The following STIM2 variants were observed in gnomAD, a reference collection of about 807,000 sequenced individuals.
STIM2 encodes the protein stromal interaction molecule 2.
A neutral mutation model predicts 85.8 loss-of-function variants in STIM2; 31 were observed. The ratio of observed to expected loss-of-function variants is 0.36; its 90% CI spans 0.27 to 0.49. STIM2 has a LOEUF of 0.49. Among genes scored for constraint, STIM2 ranks in the 20% least tolerant of loss-of-function variants. The pLI is 0.98. For synonymous variants in STIM2, 356 were observed against 331.1 expected (o/e 1.08, Z -0.82); for missense variants, 841 against 927.6 (o/e 0.91, Z 1.21).
intron 1 of STIM2, among the ~76,000 whole-genome samples, chr4:26,918,816 A>G (rs974179963): frequency 2.0e-5 from 3 of 152,232 alleles, no homozygotes; most frequent in Admixed American, 2.0e-4. Flanking sequence ...GAGGATTCAC[A>G]TATATTCCAT....
intron 2 of STIM2, among the ~76,000 whole-genome samples, chr4:26,927,605 C>T (rs1233642797): frequency 1.2e-3 from 82 of 67,058 alleles, no homozygotes; most frequent in Non-Finnish European, 2.0e-3. Flanking sequence ...GGGTGCAGCG[C>T]ACCAGCATGG....
chr4:26,997,678 A>G (rs1454774448), intron 4 of STIM2, among the ~76,000 whole-genome samples: 1 of 152,270 alleles, frequency 6.6e-6, no homozygotes, highest in African/African-American at 2.4e-5. Flanking sequence ...TTATACAAAC[A>G]TTTATCAAGC....
At chr4:26,957,498 G>A (rs1199674444) in intron 2 of STIM2, 114 bp from the exon 3 acceptor site, 2 of 530,144 alleles carry the variant, frequency 3.8e-6, no homozygotes. Context: ...CCAAAAATTT[G>A]CCAGTTACTG....
At chr4:26,938,585 CACTGATCACAT>C (rs1303788197) in intron 2 of STIM2, among the ~76,000 whole-genome samples, 1 of 152,196 alleles carries the variant, frequency 6.6e-6, no homozygotes, top group African/African-American at 2.4e-5. Context: ...CTGCTGCAGT[CACTGATCACAT>C]AGTCTCAGGA....
chr4:26,958,970 A>G (rs1051036221), intron 3 of STIM2, among the ~76,000 whole-genome samples: 4 of 152,162 alleles, frequency 2.6e-5, no homozygotes, highest in African/African-American at 7.2e-5. Flanking sequence ...GAAGAAAAAA[A>G]TATTTGACCA....
At chr4:27,010,810 T>C (rs545685630) in intron 10 of STIM2, among the ~76,000 whole-genome samples, 368 of 152,332 alleles carry the variant, frequency 2.4e-3, no homozygotes, top group Non-Finnish European at 4.5e-3. Context: ...TATGTGTAAT[T>C]ATATGGAAAG....
intron 3 of STIM2, among the ~76,000 whole-genome samples, chr4:26,982,340 C>T (rs1280537655): frequency 6.6e-6 from 1 of 152,054 alleles, no homozygotes; most frequent in South Asian, 2.1e-4. Flanking sequence ...GAGTTTGTTA[C>T]TATTATGATT....
intron 3 of STIM2, among the ~76,000 whole-genome samples, chr4:26,991,582 C>G (rs1368312003): frequency 6.6e-6 from 1 of 152,014 alleles, no homozygotes; most frequent in Non-Finnish European, 1.5e-5. Context: ...TATAATGGTT[C>G]CAACATGGAG....
intron 1 of STIM2, among the ~76,000 whole-genome samples, chr4:26,915,346 T>G (rs1361141503): frequency 6.6e-6 from 1 of 152,174 alleles, no homozygotes; most frequent in African/African-American, 2.4e-5. Context: ...GCGATTCTCC[T>G]GTCTCAGCCT....
rs1723545257 is a variant in STIM2 at position 26,892,780 on chromosome 4, T to G, written c.152-26724T>G. 2.0e-5 allele frequency among the ~76,000 whole-genome samples: 3 copies of G among 152,200 alleles called. No individual in the cohort carries two copies. The South Asian group carries it at 6.2e-4, about 32-fold the overall frequency. ...AGTTGATATAACCCTGAGGTAAGAGTGAAAGTGTATTGCCTTTCAATCTTG... is the reference window on the plus strand; with the variant it reads ...AGTTGATATAACCCTGAGGTAAGAGGGAAAGTGTATTGCCTTTCAATCTTG... On this transcript the variant is annotated intron_variant, in intron 1 of 11. Transcript: ENST00000467087.
intron 4 of STIM2, among the ~76,000 whole-genome samples, chr4:26,998,708 C>A (rs1472415087): frequency 6.6e-6 from 1 of 151,632 alleles, no homozygotes; most frequent in African/African-American, 2.4e-5. Flanking sequence ...GTCAGGAGAT[C>A]GAGACCATCC....
intron 3 of STIM2, among the ~76,000 whole-genome samples, chr4:26,958,024 A>G (rs1726316058): frequency 1.3e-5 from 2 of 152,290 alleles, no homozygotes; most frequent in African/African-American, 4.8e-5. Context: ...ACATTATTAT[A>G]AAAGGTTTAG....
intron 1 of STIM2, among the ~76,000 whole-genome samples, chr4:26,870,263 T>C (rs1722564374): frequency 6.7e-6 from 1 of 149,638 alleles, no homozygotes; most frequent in Admixed American, 6.7e-5. Flanking sequence ...TTGACATTTG[T>C]GAAGAGGGTA....
intron 1 of STIM2, among the ~76,000 whole-genome samples, chr4:26,885,884 T>C (rs1490471069): frequency 1.6e-4 from 23 of 139,614 alleles, no homozygotes; most frequent in African/African-American, 6.1e-4. Context: ...TGTATATGTC[T>C]ATTCATGTAA....
intron 11 of STIM2, among the ~76,000 whole-genome samples, chr4:27,018,516 A>G (rs1728809968): frequency 6.6e-6 from 1 of 152,162 alleles, no homozygotes. Context: ...CTGGATAATA[A>G]TAATCTCTCT....
chr4:26,943,347 G>A (rs181359037), intron 2 of STIM2, among the ~76,000 whole-genome samples: 52 of 152,268 alleles, frequency 3.4e-4, no homozygotes, highest in Admixed American at 1.9e-3. Flanking sequence ...TAAAGGCAAT[G>A]AGAGGCAGGC....
At position 27,007,316 on chromosome 4, in the gene STIM2, A is replaced by ATT. The variant is rs370537485; in HGVS notation, c.982-202_982-201dup. ...AAGATGCACTTGAAGCTCAGCCTTC[A>ATT]TTTTTTTTTTTTTTTTGAGACGGAG... On this transcript the variant is annotated intron_variant, in intron 7 of 11. Coordinates refer to ENST00000467087, the MANE Select transcript of STIM2 (RefSeq NM_020860.4). Among the ~76,000 whole-genome samples, 130 of 140,070 alleles carry ATT rather than the reference A, an allele frequency of 9.3e-4. 1 individual carries two copies. The Middle Eastern group carries it at 0.022, about 24-fold the overall frequency. 91.9% of individuals were successfully genotyped at this position (140,070 alleles called of 152,430 possible).
At chr4:26,991,009 G>C (rs141852039) in intron 3 of STIM2, among the ~76,000 whole-genome samples, 1 of 152,072 alleles carries the variant, frequency 6.6e-6, no homozygotes, top group Non-Finnish European at 1.5e-5. Flanking sequence ...AGTTATTAAG[G>C]AAAACAGTAT....
chr4:26,973,806 T>A (rs1727071890), intron 3 of STIM2, among the ~76,000 whole-genome samples: 1 of 152,170 alleles, frequency 6.6e-6, no homozygotes, highest in African/African-American at 2.4e-5. Context: ...TAACCTTCTG[T>A]CTTGTTGATC....
Sources: gnomAD v4.1 joint callset for allele counts (sites outside exome capture counted in the v4.1 genomes callset) on GRCh38, gnomAD v4.1.1 for gene constraint, MANE v1.5 for transcripts, NCBI Gene and HGNC (gene_info 2026-07-23, HGNC 2026-07-21) for gene names.